Variants in RBPJ observed in about 807,000 individuals in gnomAD.
RBPJ encodes the protein recombination signal binding protein for immunoglobulin kappa J region.
Under a neutral mutation model 67.8 loss-of-function variants are expected in RBPJ, and 9 were observed. The observed-to-expected ratio is 0.13, with a 90% confidence interval of 0.08 to 0.23. RBPJ has a LOEUF of 0.23. Ranked by LOEUF, RBPJ falls within the 10% of genes least tolerant of loss-of-function variation. The probability of loss-of-function intolerance (pLI) is 1.00; values close to 1 mark genes in which losing one functional copy is unlikely to be tolerated. For missense variants in RBPJ, 305 were observed against 595.6 expected (o/e 0.51, Z 5.08); for synonymous variants, 198 against 203.3 (o/e 0.97, Z 0.22).
At chr4:26,109,473 T>C in the RBPJ span, among the ~76,000 whole-genome samples, 111 of 43,934 alleles carry the variant, frequency 2.5e-3, 7 homozygotes, top group African/African-American at 0.012. Context: ...TATATATATA[T>C]ATATATATAT....
upstream of RBPJ, chr4:26,319,857 G>A: frequency 6.3e-7 from 1 of 1,590,114 alleles, no homozygotes; most frequent in East Asian, 2.3e-5. Context: ...GGAAAGGAAA[G>A]AGCAAAGGAG....
intron 1 of RBPJ, among the ~76,000 whole-genome samples, chr4:26,334,196 A>C (rs1359359506): frequency 6.6e-6 from 1 of 151,664 alleles, no homozygotes; most frequent in Non-Finnish European, 1.5e-5. Context: ...GCCCACCACA[A>C]TGCCCAGCTA....
intron 1 of RBPJ, among the ~76,000 whole-genome samples, chr4:26,325,878 T>A (rs990365927): frequency 1.3e-5 from 2 of 152,206 alleles, no homozygotes; most frequent in African/African-American, 4.8e-5. Context: ...TCTACCAGAC[T>A]ACAGTTGGTG....
intron 1 of RBPJ, among the ~76,000 whole-genome samples, chr4:26,284,529 C>T (rs919308777): frequency 3.3e-5 from 5 of 152,246 alleles, no homozygotes; most frequent in East Asian, 1.9e-4. Context: ...AGTGCTGTGG[C>T]GTGATCTCAG....
intron 1 of RBPJ, among the ~76,000 whole-genome samples, chr4:26,273,827 C>T (rs765692727): frequency 6.6e-6 from 1 of 152,200 alleles, no homozygotes; most frequent in Non-Finnish European, 1.5e-5. Context: ...AACGGTTCTT[C>T]CCTCTTCTTC....
At chr4:26,135,277 T>C in the RBPJ span, among the ~76,000 whole-genome samples, 1 of 152,126 alleles carries the variant, frequency 6.6e-6, no homozygotes, top group Non-Finnish European at 1.5e-5. Context: ...CCAATGCTCA[T>C]AGCCCCATTG....
At chr4:26,298,160 A>AT (rs913831181) in intron 1 of RBPJ, among the ~76,000 whole-genome samples, 1 of 151,434 alleles carries the variant, frequency 6.6e-6, no homozygotes, top group African/African-American at 2.4e-5. Context: ...TTTCCCTCAT[A>AT]TTTTTTTTCA....
At chr4:26,162,979 T>C (rs1207416871), upstream of RBPJ, among the ~76,000 whole-genome samples, 2 of 152,150 alleles carry the variant, frequency 1.3e-5, no homozygotes, top group African/African-American at 4.8e-5. Flanking sequence ...TGTGGCACTG[T>C]AGGGAGTATG....
chr4:26,122,381 G>A, the RBPJ span, among the ~76,000 whole-genome samples: 3 of 152,190 alleles, frequency 2.0e-5, no homozygotes, highest in Non-Finnish European at 4.4e-5. Flanking sequence ...CCAAATTCCA[G>A]TATTTCTGCA....
At chr4:26,216,671 T>C (rs1209503747) in intron 1 of RBPJ, among the ~76,000 whole-genome samples, 1 of 151,936 alleles carries the variant, frequency 6.6e-6, no homozygotes. Context: ...TCCCAGCATT[T>C]TGGGAGGCTG....
At chr4:26,112,130 G>A in the RBPJ span, 1 of 153,146 alleles carries the variant, frequency 6.5e-6, no homozygotes, top group African/African-American at 2.4e-5. Flanking sequence ...ACCTGTCAGA[G>A]AGCAGCCAGG....
Position 26,420,642 on chromosome 4 carries a change from A to T in RBPJ, c.413A>T (p.Asp138Val), listed in dbSNP as rs1412617967. 6.2e-7 allele frequency: 1 copy of T among 1,613,772 alleles called. No homozygotes were observed. The highest frequency in any genetic ancestry group is 8.5e-7 in the Non-Finnish European group (1 of 1,179,786). The change falls in exon 5 of 11, where the codon GAT becomes GTT. Residue 138 changes from aspartate (D) to valine (V), a missense_variant. By Grantham distance (152) the Asp-to-Val change is radical. Transcript: ENST00000355476. The part of the protein sequence containing the change: ...LSVKMFYGNS[D>V]DIGVFLSKRI... ...GTAAAGATGTTCTATGGCAACAGTG[A>T]TGACATTGGTGTGTTCCTCAGCAAG...
At chr4:26,244,224 C>G (rs1320814511) in intron 1 of RBPJ, among the ~76,000 whole-genome samples, 1 of 140,988 alleles carries the variant, frequency 7.1e-6, no homozygotes, top group African/African-American at 2.6e-5. Context: ...CATATGTGTA[C>G]ACATATATGT....
chr4:26,125,186 A>G, the RBPJ span, among the ~76,000 whole-genome samples: 1 of 152,158 alleles, frequency 6.6e-6, no homozygotes, highest in Non-Finnish European at 1.5e-5. Flanking sequence ...GGCCACACCT[A>G]GCTGCAAGGG....
In RBPJ at chr4:26,191,245, A is replaced by G. The variant is rs1454971902; in HGVS notation, c.-167+27631A>G. Among the ~76,000 whole-genome samples, 411 of 129,096 alleles carry G rather than the reference A, an allele frequency of 3.2e-3. 5 individuals carry two copies. Among genetic ancestry groups the G allele is most frequent in the African/African-American group, 0.012 (385 of 32,942 alleles). 84.7% of individuals were successfully genotyped at this position (129,096 alleles called of 152,430 possible). On this transcript the variant is annotated intron_variant, in intron 1 of 4. Coordinates refer to the RBPJ transcript ENST00000512351. ...GAGAGAGAGAGAGAGAGAGAGATAG[A>G]GAGAGAGAGAGGGAGAGAGGGAGAG...
intron 4 of RBPJ, among the ~76,000 whole-genome samples, chr4:26,418,677 G>A (rs1027167679): frequency 2.0e-5 from 3 of 151,962 alleles, no homozygotes; most frequent in Admixed American, 2.0e-4. Flanking sequence ...ACACTCAAAA[G>A]CCATCTCAAC....
chr4:26,191,204 T>TAGAGAGAG (rs1445537450), intron 1 of RBPJ, among the ~76,000 whole-genome samples: 10 of 31,834 alleles, frequency 3.1e-4, no homozygotes, highest in Admixed American at 6.6e-4. Flanking sequence ...TATATATATA[T>TAGAGAGAG]ATATATAGAG....
At chr4:26,142,652 C>T in the RBPJ span, among the ~76,000 whole-genome samples, 1 of 152,220 alleles carries the variant, frequency 6.6e-6, no homozygotes, top group Non-Finnish European at 1.5e-5. Context: ...GTTAAGTGAA[C>T]TGTTGGGGTC....
chr4:26,204,134 G>A (rs10003994), intron 1 of RBPJ, among the ~76,000 whole-genome samples: 10,386 of 151,800 alleles, frequency 0.068, 473 homozygotes, highest in African/African-American at 0.13. Context: ...TTGTAGGGAT[G>A]GGGGGGTCTC....
Sources: allele counts gnomAD v4.1 joint callset (sites outside exome capture counted in the v4.1 genomes callset), GRCh38; gene constraint gnomAD v4.1.1; transcripts MANE v1.5; gene names NCBI Gene and HGNC (gene_info 2026-07-23, HGNC 2026-07-21).